The following IPP variants were observed in gnomAD, a reference collection of about 807,000 sequenced individuals.
The protein encoded by IPP is intracisternal A particle-promoted polypeptide, also known as actin-binding protein IPP.
IPP carries 41 observed loss-of-function variants against 64.1 expected under a neutral mutation model. The ratio of observed to expected loss-of-function variants is 0.64; its 90% CI spans 0.50 to 0.83. The LOEUF (loss-of-function observed/expected upper bound fraction) is 0.83. IPP is among the 40% of genes least tolerant of loss of function. The pLI is 0.00. For missense variants in IPP, 649 were observed against 703.0 expected, an observed-to-expected ratio of 0.92 and a Z score of 0.87; for synonymous variants, 214 against 235.2, an observed-to-expected ratio of 0.91 and a Z score of 0.83.
chr1:45,740,955 C>G lies in IPP; in HGVS notation c.670G>C (p.Asp224His). The G allele has an allele frequency of 6.2e-7, 1 of 1,613,498 alleles. No homozygotes were observed. ...KRRKHVVEVLDPIRFPLLPPQ... is the reference protein window; with the variant it reads ...KRRKHVVEVLHPIRFPLLPPQ... ...GGTAATAAAGGGAATCGAATTGGGT[C>G]TAGCACTTCCACCACATGTTTTCTT... is the stretch of plus-strand genomic sequence containing the variant. Residue 224 changes from aspartate (D) to histidine (H), a missense_variant, in exon 3 of 9, where the codon GAC becomes CAC. Asp to His is a moderately conservative substitution (Grantham distance 81). Coordinates refer to ENST00000396478, the MANE Select transcript of IPP (RefSeq NM_005897.3).
chr1:45,746,401 T>C lies in IPP; in HGVS notation c.11A>G (p.Glu4Gly). ...ACTATCAGCAGCCTTGGGACAGTCC[T>C]CATTAGCCATGATGACGGTAGATTA... The part of the protein sequence containing the change: MAN[E>G]DCPKAADSPF... Residue 4 changes from glutamate to glycine, a missense_variant, in exon 2 of 9, where the codon GAG (glutamate) becomes GGG (glycine). Physicochemically the swap from Glu to Gly is moderately conservative, Grantham distance 98. Transcript: ENST00000396478. 5.0e-6 allele frequency: 8 copies of C among 1,607,474 alleles called. No individual in the cohort carries two copies. Among genetic ancestry groups the C allele is most frequent in the Non-Finnish European group, 6.8e-6 (8 of 1,174,400 alleles).
intron 5 of IPP, among the ~76,000 whole-genome samples, chr1:45,725,403 C>A (rs1399929840): frequency 6.8e-6 from 1 of 147,166 alleles, no homozygotes; most frequent in South Asian, 2.2e-4. Context: ...TCTGCCCGGC[C>A]GCCCCTACTG....
chr1:45,724,941 T>A (rs1248765873), intron 5 of IPP, among the ~76,000 whole-genome samples: 2 of 94,516 alleles, frequency 2.1e-5, no homozygotes, highest in Non-Finnish European at 2.2e-5. Flanking sequence ...GGTGAGGGGC[T>A]CCTCTGCCCG....
In IPP at chr1:45,734,246, A is replaced by T. The variant is rs59996563; in HGVS notation, c.725-4477T>A. Among the ~76,000 whole-genome samples, 103 of 152,286 alleles carry T rather than the reference A, an allele frequency of 6.8e-4. No individual in the cohort carries two copies. The East Asian group carries it at 0.017, about 26-fold the overall frequency. Reference sequence around the variant, plus strand: ...ACAATTTGAAACTATGATTCTTTTAATGATTTTCATCTTTTGTCCTTAATT... The same window carrying T: ...ACAATTTGAAACTATGATTCTTTTATTGATTTTCATCTTTTGTCCTTAATT... On this transcript the variant is annotated intron_variant, in intron 3 of 8. Coordinates refer to ENST00000396478, the MANE Select transcript of IPP (RefSeq NM_005897.3).
At chr1:45,701,698 GA>G (rs1245241578) in intron 8 of IPP, among the ~76,000 whole-genome samples, 2 of 152,204 alleles carry the variant, frequency 1.3e-5, no homozygotes, top group Non-Finnish European at 2.9e-5. Context: ...GGTAATGGGA[GA>G]ACAGATTATC....
chr1:45,713,491 C>T (rs1206250555), intron 8 of IPP, among the ~76,000 whole-genome samples: 4 of 151,600 alleles, frequency 2.6e-5, no homozygotes, highest in South Asian at 2.1e-4. Flanking sequence ...ACCCAGGAGG[C>T]GGAGGTTGTG....
intron 5 of IPP, among the ~76,000 whole-genome samples, chr1:45,726,502 G>A (rs140328415): frequency 6.6e-6 from 1 of 152,120 alleles, no homozygotes; most frequent in Non-Finnish European, 1.5e-5. Flanking sequence ...GCCATACATG[G>A]TGATGCATGC....
chr1:45,703,047 G>A (rs1645474436), intron 8 of IPP, among the ~76,000 whole-genome samples: 1 of 152,004 alleles, frequency 6.6e-6, no homozygotes, highest in Admixed American at 6.6e-5. Flanking sequence ...GAAAAAAAAT[G>A]CATCTAGTTT....
intron 6 of IPP, among the ~76,000 whole-genome samples, chr1:45,718,588 C>T (rs1198457628): frequency 6.6e-6 from 1 of 152,126 alleles, no homozygotes; most frequent in African/African-American, 2.4e-5. Context: ...CCCTGACCAG[C>T]TGACCCCCAC....
chr1:45,737,457 CTTTTTTTT>C (rs778748035), intron 3 of IPP, among the ~76,000 whole-genome samples: 2 of 121,252 alleles, frequency 1.6e-5, no homozygotes, highest in African/African-American at 6.1e-5. Context: ...ATAAACAATT[CTTTTTTTT>C]TTTTTTTTTT....
At chr1:45,717,655 G>A (rs1477470176) in intron 6 of IPP, among the ~76,000 whole-genome samples, 4 of 151,998 alleles carry the variant, frequency 2.6e-5, no homozygotes, top group African/African-American at 9.7e-5. Context: ...GAGACTACAG[G>A]CGCCCACCAC....
At chr1:45,745,843 C>T (rs997649228) in intron 2 of IPP, among the ~76,000 whole-genome samples, 3 of 151,738 alleles carry the variant, frequency 2.0e-5, no homozygotes, top group African/African-American at 4.8e-5. Context: ...CCAGCTTGGG[C>T]GACAGAGAGA....
chr1:45,724,909 C>T (rs1396273045), intron 5 of IPP, among the ~76,000 whole-genome samples: 28 of 146,376 alleles, frequency 1.9e-4, no homozygotes, highest in Admixed American at 8.7e-4. Context: ...GCCCCCCGCC[C>T]GGCCAGCCGC....
intron 3 of IPP, among the ~76,000 whole-genome samples, chr1:45,740,544 G>C (rs901220997): frequency 1.3e-5 from 2 of 151,718 alleles, no homozygotes; most frequent in African/African-American, 4.9e-5. Flanking sequence ...CTGGCCGGGC[G>C]GGGGGCTGAC....
In IPP at chr1:45,702,780, T is replaced by C. The variant is rs373805390; in HGVS notation, c.1531-2590A>G. ...ATTAACAATTATTGATAAGACTTAA[T>C]TTGAAACTAAAATCTATTCATTTCA... On this transcript the variant is annotated intron_variant, in intron 8 of 8. Coordinates refer to ENST00000396478, the MANE Select transcript of IPP (RefSeq NM_005897.3). Among the ~76,000 whole-genome samples, 373 of 152,228 alleles carry C rather than the reference T, an allele frequency of 2.5e-3. 13 individuals are homozygous for C. In the South Asian group the frequency reaches 0.072, roughly 29 times the overall value.
chr1:45,729,561 T>G, intron 4 of IPP, 53 bp downstream of exon 4: 1 of 1,388,150 alleles, frequency 7.2e-7, no homozygotes. Flanking sequence ...ATTAAAAAGG[T>G]TTGATCTGGA....
At chr1:45,707,355 G>C (rs559965947) in intron 8 of IPP, among the ~76,000 whole-genome samples, 2 of 148,120 alleles carry the variant, frequency 1.4e-5, no homozygotes, top group Non-Finnish European at 3.0e-5. Context: ...CCTGGGAGGC[G>C]GAGCTTGCAA....
intron 3 of IPP, among the ~76,000 whole-genome samples, chr1:45,736,767 C>T (rs1432025552): frequency 1.3e-5 from 2 of 151,830 alleles, no homozygotes; most frequent in South Asian, 2.1e-4. Flanking sequence ...GAGGCGGGCG[C>T]GGTGGCTCAT....
At chr1:45,738,401 C>T (rs1289804746) in intron 3 of IPP, among the ~76,000 whole-genome samples, 1 of 151,652 alleles carries the variant, frequency 6.6e-6, no homozygotes, top group African/African-American at 2.4e-5. Flanking sequence ...ACCTAGTGTC[C>T]CTAAGTGCAA....
Sources: gnomAD v4.1 joint callset for allele counts (sites outside exome capture counted in the v4.1 genomes callset) on GRCh38, gnomAD v4.1.1 for gene constraint, MANE v1.5 for transcripts, NCBI Gene and HGNC (gene_info 2026-07-23, HGNC 2026-07-21) for gene names.